The following NDST2 variants were observed in gnomAD, a reference collection of about 807,000 sequenced individuals.
NDST2 encodes N-deacetylase and N-sulfotransferase 2.
NDST2 carries 32 observed loss-of-function variants against 86.9 expected under a neutral mutation model. The ratio of observed to expected loss-of-function variants is 0.37; its 90% confidence interval spans 0.28 to 0.49. The LOEUF is 0.49. NDST2 is among the 20% of genes least tolerant of loss of function. The probability of loss-of-function intolerance (pLI) is 0.97; values close to 1 mark genes in which losing one functional copy is unlikely to be tolerated. For missense variants in NDST2, 950 were observed against 1,146.9 expected (o/e 0.83, Z 2.48); for synonymous variants, 409 against 437.0 (o/e 0.94, Z 0.80).
rs891964442 is a variant in NDST2 at position 73,803,813 on chromosome 10, T to C, written c.1968-65A>G. On this transcript the variant is annotated intron_variant, in intron 10 of 14. Transcript: ENST00000309979. ...GCAGAGTGAAGTGGCCAGAAGTCTG[T>C]GCTGAGGGAAGCTGGAATGGGGTAT... The C allele has an allele frequency of 2.2e-5, 36 of 1,613,440 alleles. No individual in the cohort carries two copies. The African/African-American group carries it at 4.5e-4, about 20-fold the overall frequency.
chr10:73,807,543 A>G lies in NDST2; in HGVS notation c.846T>C (p.His282=), dbSNP rs1012174047. ...HDGIQRVLFG[H]GLSFWLHKLI... The stretch of plus-strand genomic sequence containing the variant: ...GTTTGTGGAGCCAGAAGGAAAGGCC[A>G]TGTCCAAAGAGCACCCGCTGGATGC... The change falls in exon 3 of 15, where the codon CAT becomes CAC. Residue 282 remains histidine (H), a synonymous_variant. Transcript: ENST00000309979. 1.2e-6 allele frequency: 2 copies of G among 1,614,234 alleles called. No individual in the cohort carries two copies. Among genetic ancestry groups the G allele is most frequent in the Non-Finnish European group, 8.5e-7 (1 of 1,180,032 alleles).
rs1053809382 is a variant in NDST2 at position 73,807,492 on chromosome 10, G to A, written c.897C>T (p.Tyr299=). Residue 299 remains tyrosine (Y), a synonymous_variant, in exon 3 of 15, where the codon TAC becomes TAT. Coordinates refer to ENST00000309979, the MANE Select transcript of NDST2 (RefSeq NM_003635.4). ...CCAGGCAGAGGCGCTTGCCAGTGAG[G>A]TATGCAACAGCATCAACGAAGATAA... The part of the protein sequence containing the change: ...HKLIFVDAVA[Y]LTGKRLCLDL... 6.2e-7 allele frequency: 1 copy of A among 1,614,200 alleles called. No individual in the cohort carries two copies. The highest frequency in any genetic ancestry group is 8.5e-7 in the Non-Finnish European group (1 of 1,180,040).
At position 73,807,465 on chromosome 10, in the gene NDST2, G is replaced by A; in HGVS notation, c.924C>T (p.Asp308=). The change falls in exon 3 of 15, where the codon GAC becomes GAT. Residue 308 remains aspartate (D), a synonymous_variant. Transcript: ENST00000309979. ...AYLTGKRLCL[D]LDRYILVDID... ...TGTCTACCAAGATGTAGCGGTCAAG[G>A]TCCAGGCAGAGGCGCTTGCCAGTGA... is the stretch of plus-strand genomic sequence containing the variant. 6.2e-7 allele frequency: 1 copy of A among 1,614,184 alleles called. No individual in the cohort carries two copies. The highest frequency in any genetic ancestry group is 8.5e-7 in the Non-Finnish European group (1 of 1,180,040).
intron 13 of NDST2, 74 bp from the exon 14 acceptor site, chr10:73,802,850 C>T (rs1266439223): frequency 6.6e-7 from 1 of 1,524,878 alleles, no homozygotes; most frequent in African/African-American, 1.4e-5. Flanking sequence ...CAATGCCCTT[C>T]CCTGCCCACA....
intron 2 of NDST2, among the ~76,000 whole-genome samples, chr10:73,809,240 G>A (rs1276519735): frequency 2.0e-5 from 3 of 152,164 alleles, no homozygotes; most frequent in Non-Finnish European, 4.4e-5. Flanking sequence ...CAATATCACA[G>A]CCAACAGCTT....
Position 73,806,867 on chromosome 10 carries a change from A to G in NDST2, c.1094-56T>C. 6.3e-7 allele frequency: 1 copy of G among 1,593,642 alleles called. No homozygotes were observed. Among genetic ancestry groups the G allele is most frequent in the Non-Finnish European group, 8.6e-7 (1 of 1,165,794 alleles). The stretch of plus-strand genomic sequence containing the variant: ...CCAGTCAGCCCCTGTTCCCTCCTTT[A>G]TTTTGTAACAACACTGACCACCTTC... On this transcript the variant is annotated intron_variant, in intron 4 of 14. Coordinates refer to ENST00000309979, the MANE Select transcript of NDST2 (RefSeq NM_003635.4). This position sits in a 1 kb window ranked among gnomAD's most constrained non-coding sequence, Gnocchi z 4.5.
chr10:73,804,121 A>G, intron 9 of NDST2, 105 bp from the exon 10 acceptor site: 1 of 1,392,610 alleles, frequency 7.2e-7, no homozygotes, highest in Non-Finnish European at 9.8e-7. Context: ...CTGGGTAGGA[A>G]AATCCCCTAT....
Position 73,806,064 on chromosome 10 carries a change from GAT to G in NDST2, c.1435-38_1435-37del. 6.2e-7 allele frequency: 1 copy of G among 1,609,640 alleles called. No individual in the cohort carries two copies. Among genetic ancestry groups the G allele is most frequent in the Non-Finnish European group, 8.5e-7 (1 of 1,178,144 alleles). Reference sequence around the variant, plus strand: ...AAGAAAAAACAGATGAGATTTGAAAGATAGAATGAGAAGTAGATGGAGGACAC... The same window carrying G: ...AAGAAAAAACAGATGAGATTTGAAAGAGAATGAGAAGTAGATGGAGGACAC... On this transcript the variant is annotated intron_variant, in intron 6 of 14. Coordinates refer to ENST00000309979, the MANE Select transcript of NDST2 (RefSeq NM_003635.4). The surrounding 1 kb of genome is among the most constrained non-coding windows in gnomAD (Gnocchi z 4.5).
In NDST2 at chr10:73,806,747, G is replaced by A. The variant is rs35023121; in HGVS notation, c.1158C>T (p.Phe386=). 3,555 of 1,614,086 alleles carry A rather than the reference G, an allele frequency of 2.2e-3. 51 individuals carry two copies. In the African/African-American group the frequency reaches 0.042, roughly 19 times the overall value. ...LLKHRKEFWW[F]PHMWSHMQPH... ...GCTGCATGTGGCTCCACATGTGGGG[G>A]AACCACCAGAACTCTTTGCGGTGCT... Residue 386 remains phenylalanine, a synonymous_variant, in exon 5 of 15, where the codon TTC becomes TTT. Coordinates refer to ENST00000309979, the MANE Select transcript of NDST2 (RefSeq NM_003635.4). This position sits in a 1 kb window ranked among gnomAD's most constrained non-coding sequence, Gnocchi z 4.5.
In NDST2 at chr10:73,808,650, A is replaced by C. The variant is rs1469884371; in HGVS notation, c.-262T>G. On this transcript the variant is annotated 5_prime_UTR_variant, in exon 3 of 15. In the 5' UTR this introduces an upstream ATG that the reference lacks. Transcript: ENST00000309979. The surrounding 1 kb of genome is among the most constrained non-coding windows in gnomAD (Gnocchi z 4.3). ...CCCTGGCCCATGGCTTCAGGCTGCAAATCTTGCCAGGCTCTCCCCTTGGCC... is the reference window on the plus strand; with the variant it reads ...CCCTGGCCCATGGCTTCAGGCTGCACATCTTGCCAGGCTCTCCCCTTGGCC... The C allele has an allele frequency of 4.8e-6, 2 of 420,464 alleles. No homozygotes were observed. Among genetic ancestry groups the C allele is most frequent in the African/African-American group, 3.9e-5 (2 of 51,020 alleles). 26.0% of individuals were successfully genotyped at this position (420,464 alleles called of 1,614,324 possible). A position where few individuals can be genotyped will look rare whatever the true frequency, so the allele number is the denominator to read the frequency against.
intron 1 of NDST2, 126 bp downstream of exon 1, chr10:73,811,348 G>C (rs1008639359): frequency 2.0e-5 from 3 of 153,436 alleles, no homozygotes; most frequent in African/African-American, 7.2e-5. Flanking sequence ...AAGGACCCGG[G>C]GCGCGGCGCA....
rs2084135142 is a variant in NDST2 at position 73,808,005 on chromosome 10, A to G, written c.384T>C (p.Thr128=). The change falls in exon 3 of 15, where the codon ACT becomes ACC. Residue 128 remains threonine, a synonymous_variant. Coordinates refer to ENST00000309979, the MANE Select transcript of NDST2 (RefSeq NM_003635.4). This position sits in a 1 kb window ranked among gnomAD's most constrained non-coding sequence, Gnocchi z 4.3. ...AGACATAGCGGCCATGGGTATTATC[A>G]GTCAATGTGGGCATGTCCCCTCGGC... The part of the protein sequence containing the change: ...APGRGDMPTL[T]DNTHGRYVLV... The G allele has an allele frequency of 6.2e-7, 1 of 1,614,256 alleles. No homozygotes were observed. The highest frequency in any genetic ancestry group is 8.5e-7 in the Non-Finnish European group (1 of 1,180,046).
intron 13 of NDST2, 59 bp from the exon 14 acceptor site, chr10:73,802,835 A>C: frequency 6.5e-7 from 1 of 1,544,128 alleles, no homozygotes; most frequent in East Asian, 2.2e-5. Flanking sequence ...AGTTCCATAA[A>C]TGCACAATGC....
intron 13 of NDST2, 76 bp from the exon 14 acceptor site, chr10:73,802,852 C>CT (rs1471879606): frequency 1.3e-6 from 2 of 1,522,936 alleles, no homozygotes; most frequent in Non-Finnish European, 1.8e-6. Context: ...ATGCCCTTCC[C>CT]TGCCCACAGG....
In NDST2 at chr10:73,802,443, C is replaced by G. The variant is rs772499800; in HGVS notation, c.*8G>C. On this transcript the variant is annotated 3_prime_UTR_variant, in exon 15 of 15. Coordinates refer to ENST00000309979, the MANE Select transcript of NDST2 (RefSeq NM_003635.4). Reference sequence around the variant, plus strand: ...GGGGGCATTTTGCTGGTATGGGAGGCTGGGACATCAGCCCAGACTGGAATG... The same window carrying G: ...GGGGGCATTTTGCTGGTATGGGAGGGTGGGACATCAGCCCAGACTGGAATG... The G allele has an allele frequency of 9.9e-6, 16 of 1,612,246 alleles. No homozygotes were observed. Among genetic ancestry groups the G allele is most frequent in the Admixed American group, 5.0e-5 (3 of 60,000 alleles).
Position 73,807,642 on chromosome 10 carries a change from C to T in NDST2, c.747G>A (p.Glu249=), listed in dbSNP as rs760490206. The T allele has an allele frequency of 6.2e-7, 1 of 1,614,200 alleles. No individual in the cohort carries two copies. Among genetic ancestry groups the T allele is most frequent in the East Asian group, 2.2e-5 (1 of 44,888 alleles). ...GAAGAACTGGTCCTGGCACTGCGGG[C>T]TCAGCTGGCCGAAGGCTGGCAAGAA... ...PVLLASLRPA[E]PAVPGPVLRR... The change falls in exon 3 of 15, where the codon GAG becomes GAA. Residue 249 remains glutamate, a synonymous_variant. Transcript: ENST00000309979.
intron 8 of NDST2, 129 bp downstream of exon 8, chr10:73,805,458 G>A: frequency 1.1e-6 from 1 of 876,928 alleles, no homozygotes; most frequent in Non-Finnish European, 1.7e-6. Context: ...AGGTTGCAAT[G>A]AGCAGAGATT....
In NDST2 at chr10:73,808,199, C is replaced by T; in HGVS notation, c.190G>A (p.Gly64Ser). 6.2e-7 allele frequency: 1 copy of T among 1,613,792 alleles called. No individual in the cohort carries two copies. Among genetic ancestry groups the T allele is most frequent in the Non-Finnish European group, 8.5e-7 (1 of 1,179,848 alleles). ...GGTGGAACTGGAGGCCGTGCAGGGCCAGGACCAGCTGCCCCACCGCTGCTG... is the reference window on the plus strand; with the variant it reads ...GGTGGAACTGGAGGCCGTGCAGGGCTAGGACCAGCTGCCCCACCGCTGCTG... ...DCSSGGAAGPGPARPPVPPRP... is the reference protein window; with the variant it reads ...DCSSGGAAGPSPARPPVPPRP... The change falls in exon 3 of 15, where the codon GGC (glycine) becomes AGC (serine). Residue 64 changes from glycine to serine, a missense_variant. This residue lies in a region of NDST2 where 586 missense variants were observed against 714.0 expected (regional missense o/e 0.82). Coordinates refer to ENST00000309979, the MANE Select transcript of NDST2 (RefSeq NM_003635.4). The surrounding 1 kb of genome is among the most constrained non-coding windows in gnomAD (Gnocchi z 4.3).
chr10:73,803,093 G>A lies in NDST2; in HGVS notation c.2314-12C>T. The stretch of plus-strand genomic sequence containing the variant: ...TCCACAATCAGCAACTAAAAGGACA[G>A]GGATGTGGTTCCCTCTATATTCCTA... On this transcript the variant is annotated splice_polypyrimidine_tract_variant and intron_variant, in intron 12 of 14. Coordinates refer to ENST00000309979, the MANE Select transcript of NDST2 (RefSeq NM_003635.4). 1 of 1,614,142 alleles carries A rather than the reference G, an allele frequency of 6.2e-7. No individual in the cohort carries two copies. The highest frequency in any genetic ancestry group is 2.2e-5 in the East Asian group (1 of 44,890).
Sources: gnomAD v4.1 joint callset for allele counts (sites outside exome capture counted in the v4.1 genomes callset) on GRCh38, gnomAD v4.1.1 for gene constraint, gnomAD v4.1.1 regional missense constraint, Gnocchi (gnomAD v3.1) non-coding constraint, MANE v1.5 for transcripts, NCBI Gene and HGNC (gene_info 2026-07-23, HGNC 2026-07-21) for gene names.